SUSD6: variants seen among roughly 807,000 people sequenced by gnomAD.
The protein encoded by SUSD6 is sushi domain-containing protein 6.
A neutral mutation model predicts 28.4 loss-of-function variants in SUSD6; 16 were observed. That is an observed-to-expected ratio of 0.56 (90% confidence interval 0.38 to 0.86). The LOEUF is 0.86. Ranked by LOEUF, SUSD6 falls within the 40% of genes least tolerant of loss-of-function variation. The pLI is 0.00. For synonymous variants in SUSD6, 147 were observed against 159.6 expected, an observed-to-expected ratio of 0.92 and a Z score of 0.59; for missense variants, 341 against 384.2, an observed-to-expected ratio of 0.89 and a Z score of 0.94.
Position 69,699,539 on chromosome 14 carries a change from CT to C in SUSD6, c.122-3842del, listed in dbSNP as rs61008483. Among the ~76,000 whole-genome samples, 948 of 136,564 alleles carry C rather than the reference CT, an allele frequency of 6.9e-3. 1 individual carries two copies. Among genetic ancestry groups the C allele is most frequent in the African/African-American group, 0.017 (637 of 37,552 alleles). The allele number at this position is 136,564 out of a possible 152,430, so 89.6% of individuals were successfully genotyped here. A position where few individuals can be genotyped will look rare whatever the true frequency, so the allele number is the denominator to read the frequency against. On this transcript the variant is annotated intron_variant, in intron 2 of 5. Coordinates refer to ENST00000342745, the MANE Select transcript of SUSD6 (RefSeq NM_014734.4). Reference sequence around the variant, plus strand: ...TTCTTAGTGTCTTAAAATGACTTGCCTTTTTTTTTTTTTTGGACCCTTTCTT... The same window carrying C: ...TTCTTAGTGTCTTAAAATGACTTGCCTTTTTTTTTTTTTGGACCCTTTCTT...
chr14:69,671,536 C>G (rs1237610835), intron 2 of SUSD6, among the ~76,000 whole-genome samples: 1 of 152,146 alleles, frequency 6.6e-6, no homozygotes, highest in Non-Finnish European at 1.5e-5. Flanking sequence ...GCGTGGGGTC[C>G]CATGTGGGTC....
chr14:69,712,444 G>T lies in SUSD6; in HGVS notation c.*1465G>T, dbSNP rs1242218632. The T allele has an allele frequency of 6.6e-6, 1 of 152,340 alleles. No individual in the cohort carries two copies. The highest frequency in any genetic ancestry group is 1.5e-5 in the Non-Finnish European group (1 of 68,120). 9.4% of individuals were successfully genotyped at this position (152,340 alleles called of 1,614,324 possible). On this transcript the variant is annotated 3_prime_UTR_variant, in exon 6 of 6. Coordinates refer to ENST00000342745, the MANE Select transcript of SUSD6 (RefSeq NM_014734.4). ...GCTGTCATCTTAGAAGATAGATGCA[G>T]CAGTAAGGAATGTTTGTTTTGCTTT... is the stretch of plus-strand genomic sequence containing the variant.
chr14:69,673,597 G>C (rs1885865176), intron 2 of SUSD6, among the ~76,000 whole-genome samples: 1 of 152,200 alleles, frequency 6.6e-6, no homozygotes, highest in South Asian at 2.1e-4. Context: ...GCTGGCAGAT[G>C]TATCTCTTCT....
intron 1 of SUSD6, among the ~76,000 whole-genome samples, chr14:69,653,321 G>T (rs931965020): frequency 6.6e-6 from 1 of 152,222 alleles, no homozygotes; most frequent in African/African-American, 2.4e-5. Context: ...AATCAGAACG[G>T]TGACTCTCCT....
intron 2 of SUSD6, among the ~76,000 whole-genome samples, chr14:69,666,478 A>T (rs1051499107): frequency 6.6e-6 from 1 of 152,228 alleles, no homozygotes; most frequent in East Asian, 1.9e-4. Context: ...CAGCACAGTG[A>T]TGTGATTGGA....
chr14:69,653,852 T>C (rs1171918123), intron 1 of SUSD6, among the ~76,000 whole-genome samples: 1 of 149,454 alleles, frequency 6.7e-6, no homozygotes, highest in East Asian at 2.0e-4. Context: ...TTAAAATGAT[T>C]AGATTTATAC....
At chr14:69,639,336 A>G (rs866474015) in intron 1 of SUSD6, among the ~76,000 whole-genome samples, 113 of 151,168 alleles carry the variant, frequency 7.5e-4, no homozygotes, top group African/African-American at 2.4e-3. Context: ...AAAAAAAAAA[A>G]AAAGAAATAA....
At chr14:69,624,871 T>G (rs1595031322) in intron 1 of SUSD6, among the ~76,000 whole-genome samples, 1 of 152,200 alleles carries the variant, frequency 6.6e-6, no homozygotes, top group Non-Finnish European at 1.5e-5. Context: ...ATGTGAATGG[T>G]AAAGGATAAA....
At chr14:69,645,755 T>C (rs542979847) in intron 1 of SUSD6, among the ~76,000 whole-genome samples, 126 of 145,418 alleles carry the variant, frequency 8.7e-4, no homozygotes, top group South Asian at 3.2e-3. Context: ...CTTTCTCACT[T>C]TTTTTTTTTT....
rs111971005 is a variant in SUSD6 at position 69,635,597 on chromosome 14, A to C, written c.-80-22916A>C. On this transcript the variant is annotated intron_variant, in intron 1 of 5. Transcript: ENST00000342745. ...GCCCCCACTCCACCCAAGGCACACC[A>C]CACACACACACACACACACACACAC... is the stretch of plus-strand genomic sequence containing the variant. Among the ~76,000 whole-genome samples the C allele has an allele frequency of 8.9e-5, 3 of 33,894 alleles. No individual in the cohort carries two copies. The African/African-American group carries it at 1.4e-3, about 16-fold the overall frequency. The allele number at this position is 33,894 out of a possible 152,430, so 22.2% of individuals were successfully genotyped here.
intron 1 of SUSD6, among the ~76,000 whole-genome samples, chr14:69,617,924 C>A (rs1403522998): frequency 6.6e-6 from 1 of 152,050 alleles, no homozygotes; most frequent in Non-Finnish European, 1.5e-5. Flanking sequence ...TAGAGCAGCC[C>A]CCACAGGGCT....
At chr14:69,668,214 G>A (rs538536744) in intron 2 of SUSD6, among the ~76,000 whole-genome samples, 104 of 152,328 alleles carry the variant, frequency 6.8e-4, no homozygotes, top group African/African-American at 2.5e-3. Context: ...GCTCTTCTGT[G>A]GAGAAAAGAG....
intron 1 of SUSD6, among the ~76,000 whole-genome samples, chr14:69,625,991 A>G: frequency 6.6e-6 from 1 of 151,942 alleles, no homozygotes; most frequent in African/African-American, 2.4e-5. Context: ...ATGGTGTTCC[A>G]CCTGCTCCCA....
At chr14:69,693,643 G>C (rs1886183570) in intron 2 of SUSD6, among the ~76,000 whole-genome samples, 1 of 152,194 alleles carries the variant, frequency 6.6e-6, no homozygotes, top group Non-Finnish European at 1.5e-5. Flanking sequence ...TCAGTGCCTA[G>C]TAATGTGCCA....
At chr14:69,710,080 G>A (rs186648691) in intron 5 of SUSD6, among the ~76,000 whole-genome samples, 1 of 152,266 alleles carries the variant, frequency 6.6e-6, no homozygotes, top group East Asian at 1.9e-4. Context: ...GTTTTTCTTG[G>A]TTGGCCATTA....
At chr14:69,637,027 A>T (rs560043393) in intron 1 of SUSD6, among the ~76,000 whole-genome samples, 3 of 152,318 alleles carry the variant, frequency 2.0e-5, no homozygotes, top group African/African-American at 7.2e-5. Context: ...GGATTCCGTG[A>T]CAAACCCGGG....
intron 2 of SUSD6, among the ~76,000 whole-genome samples, chr14:69,666,640 C>T (rs557609811): frequency 8.5e-5 from 13 of 152,282 alleles, no homozygotes; most frequent in Admixed American, 7.2e-4. Flanking sequence ...GAGCCCCTTT[C>T]TACCTAGATT....
intron 1 of SUSD6, among the ~76,000 whole-genome samples, chr14:69,630,717 T>G (rs1885181229): frequency 6.6e-6 from 1 of 152,186 alleles, no homozygotes; most frequent in Non-Finnish European, 1.5e-5. Flanking sequence ...TCTCAACCCT[T>G]TTCTAAGTTT....
intron 2 of SUSD6, among the ~76,000 whole-genome samples, chr14:69,696,315 G>T (rs1419886431): frequency 6.6e-6 from 1 of 152,232 alleles, no homozygotes; most frequent in Non-Finnish European, 1.5e-5. Flanking sequence ...CATGTAGAGA[G>T]AGAACCCAGA....
Sources: allele counts gnomAD v4.1 joint callset (sites outside exome capture counted in the v4.1 genomes callset), GRCh38; gene constraint gnomAD v4.1.1; transcripts MANE v1.5; gene names NCBI Gene and HGNC (gene_info 2026-07-23, HGNC 2026-07-21).